PDK1: variants seen among roughly 807,000 people sequenced by gnomAD.
PDK1 encodes the protein pyruvate dehydrogenase kinase 1, also known as [Pyruvate dehydrogenase (acetyl-transferring)] kinase isozyme 1, mitochondrial.
In PDK1, 39 loss-of-function variants were observed where a neutral mutation model predicts 54.2. That is an observed-to-expected ratio of 0.72 (90% CI 0.56 to 0.94). The LOEUF (loss-of-function observed/expected upper bound fraction) is 0.94, where lower values mean the gene tolerates loss of function less well. Among genes scored for constraint, PDK1 ranks in the 40% least tolerant of loss-of-function variants. The pLI is 0.00. For synonymous variants in PDK1, 221 were observed against 207.1 expected (o/e 1.07, Z -0.58); for missense variants, 552 against 566.0 (o/e 0.98, Z 0.25).
chr2:172,555,866 G>C (rs577982073), upstream of PDK1: 3 of 300,764 alleles, frequency 1.0e-5, no homozygotes, highest in Non-Finnish European at 6.1e-6. Context: ...CTGGGCGGCG[G>C]CTGCGGCCTG....
the PDK1 span, among the ~76,000 whole-genome samples, chr2:172,645,913 C>G: frequency 6.6e-6 from 1 of 152,184 alleles, no homozygotes; most frequent in East Asian, 1.9e-4. Flanking sequence ...ACACCAAAAA[C>G]CTGATTTTTA....
rs1442281271 is a variant in PDK1, at chr2:172,556,194, C to T, written c.44C>T (p.Pro15Leu). 6 of 1,419,844 alleles carry T rather than the reference C, an allele frequency of 4.2e-6. No homozygotes were observed. In the African/African-American group the frequency reaches 4.5e-5, roughly 11 times the overall value. The allele number at this position is 1,419,844 out of a possible 1,614,324, so 88.0% of individuals were successfully genotyped here. ...RLLRGAALAG[P>L]GPGLRAAGFS... ...CTTCGCGGAGCCGCCTTGGCCGGCC[C>T]GGGCCCGGGGCTGCGCGCCGCCGGC... The change falls in exon 1 of 11, where the codon CCG becomes CTG. Residue 15 changes from proline to leucine, a missense_variant. Physicochemically the swap from Pro to Leu is moderately conservative, Grantham distance 98. Coordinates refer to ENST00000282077, the MANE Select transcript of PDK1 (RefSeq NM_002610.5).
chr2:172,653,582 G>C, the PDK1 span, among the ~76,000 whole-genome samples: 3 of 148,718 alleles, frequency 2.0e-5, no homozygotes. Context: ...CTGCCTAGGC[G>C]ACAAGAGCGA....
intron 9 of PDK1, among the ~76,000 whole-genome samples, chr2:172,587,409 G>C (rs2149279228): frequency 6.6e-6 from 1 of 152,206 alleles, no homozygotes; most frequent in East Asian, 1.9e-4. Flanking sequence ...CTGGCTTCAG[G>C]AGTGAAGCTG....
the PDK1 span, among the ~76,000 whole-genome samples, chr2:172,619,434 C>T: frequency 2.0e-5 from 3 of 151,588 alleles, no homozygotes; most frequent in Admixed American, 6.6e-5. Context: ...AGACACTGCC[C>T]GTAACTCATT....
chr2:172,670,175 T>C, the PDK1 span, among the ~76,000 whole-genome samples: 1 of 152,184 alleles, frequency 6.6e-6, no homozygotes, highest in South Asian at 2.1e-4. Context: ...ACGTTAGCCT[T>C]CCGGGCAGCT....
chr2:172,621,510 A>G, the PDK1 span, among the ~76,000 whole-genome samples: 2 of 149,542 alleles, frequency 1.3e-5, no homozygotes, highest in African/African-American at 2.4e-5. Flanking sequence ...CATGTGAGTT[A>G]ATACTTAATA....
chr2:172,708,264 G>T, the PDK1 span, among the ~76,000 whole-genome samples: 10 of 151,148 alleles, frequency 6.6e-5, no homozygotes, highest in Non-Finnish European at 1.3e-4. Context: ...AGTCCAGCCT[G>T]GGCGACAGAG....
rs1020506226 is a variant in PDK1, at chr2:172,606,002, C to T, written c.*10033C>T. ...CAGATTTTATACATACTTTGCGTGACCATAAAACTCTGTACTATTATAGAC... is the reference window on the plus strand; with the variant it reads ...CAGATTTTATACATACTTTGCGTGATCATAAAACTCTGTACTATTATAGAC... On this transcript the variant is annotated 3_prime_UTR_variant, in exon 11 of 11. Transcript: ENST00000282077. The T allele has an allele frequency of 2.0e-5, 3 of 151,998 alleles. No homozygotes were observed. The highest frequency in any genetic ancestry group is 4.4e-5 in the Non-Finnish European group (3 of 68,024). 9.4% of individuals were successfully genotyped at this position (151,998 alleles called of 1,614,324 possible). A position where few individuals can be genotyped will look rare whatever the true frequency, so the allele number is the denominator to read the frequency against.
At chr2:172,559,240 C>T (rs1274224689) in intron 2 of PDK1, among the ~76,000 whole-genome samples, 2 of 152,268 alleles carry the variant, frequency 1.3e-5, no homozygotes, top group Non-Finnish European at 2.9e-5. Context: ...AGCCACCGTG[C>T]CCGACCAGAG....
At chr2:172,651,247 G>A in the PDK1 span, among the ~76,000 whole-genome samples, 3 of 152,136 alleles carry the variant, frequency 2.0e-5, no homozygotes, top group Non-Finnish European at 4.4e-5. Flanking sequence ...CGAAATGAAG[G>A]CATAAATAAA....
At chr2:172,614,979 ACTAT>A in the PDK1 span, among the ~76,000 whole-genome samples, 30,634 of 152,142 alleles carry the variant, frequency 0.2, 3,530 homozygotes, top group African/African-American at 0.3. Flanking sequence ...ACAACAGTGT[ACTAT>A]TGTGTACTAA....
intron 7 of PDK1, among the ~76,000 whole-genome samples, chr2:172,569,942 A>G (rs148308751): frequency 5.8e-4 from 89 of 152,284 alleles, no homozygotes; most frequent in African/African-American, 1.9e-3. Context: ...CTTGTGCCCT[A>G]TGATTGAGGC....
chr2:172,594,547 C>T (rs1690788543), intron 10 of PDK1, among the ~76,000 whole-genome samples: 1 of 152,138 alleles, frequency 6.6e-6, no homozygotes, highest in African/African-American at 2.4e-5. Flanking sequence ...CCATCCTGGG[C>T]CGCATGCAGC....
chr2:172,667,366 G>A, the PDK1 span, among the ~76,000 whole-genome samples: 1 of 152,176 alleles, frequency 6.6e-6, no homozygotes, highest in Non-Finnish European at 1.5e-5. Flanking sequence ...GGGGCAATGG[G>A]GCTGTCCCTA....
intron 3 of PDK1, chr2:172,562,677 T>C: frequency 3.4e-6 from 3 of 888,950 alleles, no homozygotes. Context: ...AGTCTAGATT[T>C]GTAATGTAAA....
Position 172,593,023 on chromosome 2 carries a change from G to A in PDK1, c.1145G>A (p.Gly382Glu), listed in dbSNP as rs2149295277. The change falls in exon 10 of 11, where the codon GGG becomes GAG. Residue 382 changes from glycine (G) to glutamate (E), a missense_variant. Coordinates refer to ENST00000282077, the MANE Select transcript of PDK1 (RefSeq NM_002610.5). ...DLKLYSLEGY[G>E]TDAVIYIKAL... ...AAGCTGTATTCCCTAGAGGGTTACG[G>A]GACAGATGCAGTTATCTACATTAAG... 1 of 1,592,692 alleles carries A rather than the reference G, an allele frequency of 6.3e-7. No individual in the cohort carries two copies. Among genetic ancestry groups the A allele is most frequent in the African/African-American group, 1.3e-5 (1 of 74,560 alleles).
the PDK1 span, among the ~76,000 whole-genome samples, chr2:172,710,216 ATC>A: frequency 4.6e-5 from 7 of 152,330 alleles, no homozygotes; most frequent in African/African-American, 1.4e-4. Flanking sequence ...ACTTCACCAC[ATC>A]CAAAATGCAA....
the PDK1 span, among the ~76,000 whole-genome samples, chr2:172,688,814 G>A: frequency 3.9e-5 from 6 of 152,086 alleles, no homozygotes; most frequent in East Asian, 1.2e-3. Context: ...AATCCCACAT[G>A]GCAGCCAGAG....
Sources: gnomAD v4.1 joint callset for allele counts (sites outside exome capture counted in the v4.1 genomes callset) on GRCh38, gnomAD v4.1.1 for gene constraint, MANE v1.5 for transcripts, NCBI Gene and HGNC (gene_info 2026-07-23, HGNC 2026-07-21) for gene names.